The following RCOR1 variants were observed in gnomAD, a reference collection of about 807,000 sequenced individuals.
RCOR1 encodes REST corepressor.
Under a neutral mutation model 64.0 loss-of-function variants are expected in RCOR1, and 12 were observed. The observed-to-expected ratio is 0.19, with a 90% CI of 0.12 to 0.30. The LOEUF is 0.30. Ranked by LOEUF, RCOR1 falls within the 10% of genes least tolerant of loss-of-function variation. RCOR1 has a pLI of 1.00. For synonymous variants in RCOR1, 279 were observed against 227.2 expected (o/e 1.23, Z -2.05); for missense variants, 502 against 621.2 (o/e 0.81, Z 2.04).
intron 2 of RCOR1, among the ~76,000 whole-genome samples, chr14:102,596,065 G>C (rs1301656629): frequency 6.6e-6 from 1 of 151,934 alleles, no homozygotes; most frequent in Non-Finnish European, 1.5e-5. Context: ...AAGCTTAAGG[G>C]GAAGGAAGGC....
At chr14:102,621,740 G>A (rs151113994) in intron 2 of RCOR1, among the ~76,000 whole-genome samples, 3 of 152,180 alleles carry the variant, frequency 2.0e-5, no homozygotes, top group Admixed American at 6.6e-5. Context: ...ATACAAAGGC[G>A]GAATTTGACT....
intron 2 of RCOR1, among the ~76,000 whole-genome samples, chr14:102,665,072 G>A (rs1014221193): frequency 4.0e-5 from 6 of 151,868 alleles, no homozygotes; most frequent in Admixed American, 6.6e-5. Flanking sequence ...ATGCAGTGGC[G>A]CAATCTCACT....
At chr14:102,636,926 G>A (rs1894252555) in intron 2 of RCOR1, among the ~76,000 whole-genome samples, 1 of 151,886 alleles carries the variant, frequency 6.6e-6, no homozygotes, top group Non-Finnish European at 1.5e-5. Context: ...AGCTGAGATC[G>A]CACCATTGCA....
chr14:102,663,324 C>T (rs1307766443), intron 2 of RCOR1, among the ~76,000 whole-genome samples: 1 of 152,206 alleles, frequency 6.6e-6, no homozygotes, highest in African/African-American at 2.4e-5. Context: ...TGAAAACAGA[C>T]TAATGCAACT....
chr14:102,600,719 C>T (rs1011525892), intron 2 of RCOR1, among the ~76,000 whole-genome samples: 12 of 151,840 alleles, frequency 7.9e-5, no homozygotes, highest in Admixed American at 1.3e-4. Context: ...TACAGGTGCC[C>T]GCCAACACGC....
chr14:102,617,128 A>T (rs1893776877), intron 2 of RCOR1, among the ~76,000 whole-genome samples: 1 of 152,242 alleles, frequency 6.6e-6, no homozygotes, highest in African/African-American at 2.4e-5. Context: ...TGTAAAGTGT[A>T]GGTTCTATAA....
intron 2 of RCOR1, among the ~76,000 whole-genome samples, chr14:102,604,902 G>T (rs1174569574): frequency 6.6e-6 from 1 of 151,782 alleles, no homozygotes; most frequent in Non-Finnish European, 1.5e-5. Flanking sequence ...GGCCAAAATG[G>T]TGAAACCCTG....
chr14:102,638,007 A>C (rs1214646401), intron 2 of RCOR1, among the ~76,000 whole-genome samples: 1 of 152,136 alleles, frequency 6.6e-6, no homozygotes, highest in Non-Finnish European at 1.5e-5. Flanking sequence ...TATCTGAAAA[A>C]CAATATTGGC....
At chr14:102,679,663 A>G (rs1012287334) in intron 2 of RCOR1, among the ~76,000 whole-genome samples, 5 of 152,026 alleles carry the variant, frequency 3.3e-5, no homozygotes, top group African/African-American at 4.8e-5. Flanking sequence ...TATTTTTAGT[A>G]TAGACGGGGT....
At chr14:102,678,954 G>A (rs184879844) in intron 2 of RCOR1, among the ~76,000 whole-genome samples, 1 of 152,002 alleles carries the variant, frequency 6.6e-6, no homozygotes, top group Admixed American at 6.5e-5. Context: ...CAAATCTTTT[G>A]GCCATTTTAA....
intron 2 of RCOR1, among the ~76,000 whole-genome samples, chr14:102,611,421 A>G (rs1893634836): frequency 6.6e-6 from 1 of 151,868 alleles, no homozygotes; most frequent in South Asian, 2.1e-4. Context: ...CATCTGTGTC[A>G]TTTCTGGGTC....
intron 9 of RCOR1, 68 bp from the exon 10 acceptor site, chr14:102,721,252 C>T (rs759346056): frequency 2.7e-5 from 38 of 1,388,960 alleles, no homozygotes; most frequent in Middle Eastern, 1.8e-4. Flanking sequence ...ATGAAAGGTT[C>T]GTTAAGCTCA....
intron 4 of RCOR1, among the ~76,000 whole-genome samples, chr14:102,705,881 C>G (rs979601841): frequency 2.6e-5 from 4 of 151,830 alleles, no homozygotes; most frequent in Non-Finnish European, 5.9e-5. Context: ...ATAATCCCAG[C>G]ACTTCAGGCA....
chr14:102,674,843 G>C (rs1895106641), intron 2 of RCOR1, among the ~76,000 whole-genome samples: 3 of 152,010 alleles, frequency 2.0e-5, no homozygotes, highest in Admixed American at 2.0e-4. Flanking sequence ...GGGAGGCCGA[G>C]GCGGGCGGAT....
chr14:102,708,104 T>TA (rs1895890752), intron 5 of RCOR1, among the ~76,000 whole-genome samples: 2 of 152,144 alleles, frequency 1.3e-5, no homozygotes, highest in South Asian at 4.1e-4. Context: ...TAGCTGGGAC[T>TA]ATAGGCGCCC....
At chr14:102,651,336 T>C (rs4900549) in intron 2 of RCOR1, among the ~76,000 whole-genome samples, 107,495 of 151,986 alleles carry the variant, frequency 0.71, 38,596 homozygotes, top group East Asian at 0.93. Flanking sequence ...AGGCGGATCA[T>C]GAGGTCAGGA....
chr14:102,709,464 A>G (rs976052004), intron 6 of RCOR1, among the ~76,000 whole-genome samples: 5 of 152,216 alleles, frequency 3.3e-5, no homozygotes, highest in Non-Finnish European at 7.3e-5. Context: ...ATGAAGGAGG[A>G]TGAAATATAT....
chr14:102,655,925 C>G, intron 2 of RCOR1: 1 of 951,608 alleles, frequency 1.1e-6, no homozygotes, highest in African/African-American at 1.8e-5. Context: ...TGCACTCCAG[C>G]CTGGGCAACA....
intron 3 of RCOR1, 115 bp from the exon 4 acceptor site, chr14:102,701,163 G>T: frequency 1.2e-6 from 1 of 865,382 alleles, no homozygotes; most frequent in Non-Finnish European, 1.9e-6. Context: ...TTTGGGTGGG[G>T]ACACAGCCAA....
Sources: gnomAD v4.1 joint callset for allele counts (sites outside exome capture counted in the v4.1 genomes callset) on GRCh38, gnomAD v4.1.1 for gene constraint, MANE v1.5 for transcripts, NCBI Gene and HGNC (gene_info 2026-07-23, HGNC 2026-07-21) for gene names.